Variants in MACROD2 observed in about 807,000 individuals in gnomAD.
MACROD2 encodes mono-ADP ribosylhydrolase 2, also known as ADP-ribose glycohydrolase MACROD2.
A neutral mutation model predicts 70.4 loss-of-function variants in MACROD2; 36 were observed. The ratio of observed to expected loss-of-function variants is 0.51; its 90% CI spans 0.39 to 0.68. MACROD2 has a LOEUF of 0.68. Ranked by LOEUF, MACROD2 falls within the 30% of genes least tolerant of loss-of-function variation. MACROD2 has a pLI of 0.00. For synonymous variants in MACROD2, 172 were observed against 178.8 expected (o/e 0.96, Z 0.30); for missense variants, 496 against 538.4 (o/e 0.92, Z 0.78).
At chr20:15,407,895 A>C (rs951562028) in intron 6 of MACROD2, among the ~76,000 whole-genome samples, 1 of 152,194 alleles carries the variant, frequency 6.6e-6, no homozygotes, top group Non-Finnish European at 1.5e-5. Flanking sequence ...GAGGCAACTG[A>C]GGATCAAAGA....
At chr20:15,709,252 G>A (rs1405289886) in intron 8 of MACROD2, among the ~76,000 whole-genome samples, 1 of 152,210 alleles carries the variant, frequency 6.6e-6, no homozygotes, top group Non-Finnish European at 1.5e-5. Context: ...AACGGGAGGA[G>A]CAGGCTGGCT....
chr20:14,221,571 TA>T (rs1296376706), intron 3 of MACROD2, among the ~76,000 whole-genome samples: 5 of 152,176 alleles, frequency 3.3e-5, no homozygotes, highest in Non-Finnish European at 7.4e-5. Flanking sequence ...GACATTGCTG[TA>T]GGCAAGGAAC....
intron 9 of MACROD2, among the ~76,000 whole-genome samples, chr20:15,869,223 A>ATG: frequency 4.6e-5 from 3 of 65,012 alleles, no homozygotes; most frequent in Non-Finnish European, 1.0e-4. Context: ...ATATATATAT[A>ATG]TATATATATA....
chr20:15,177,904 G>A (rs568940729), intron 5 of MACROD2, among the ~76,000 whole-genome samples: 1 of 150,742 alleles, frequency 6.6e-6, no homozygotes, highest in African/African-American at 2.4e-5. Flanking sequence ...GCTTACCCTA[G>A]ATGCACATTA....
intron 6 of MACROD2, among the ~76,000 whole-genome samples, chr20:15,338,560 G>C (rs997861007): frequency 2.6e-5 from 4 of 151,380 alleles, no homozygotes; most frequent in Non-Finnish European, 4.4e-5. Flanking sequence ...CATTTATCTG[G>C]GCCTTAATGT....
At chr20:14,833,946 C>A (rs532871852) in intron 5 of MACROD2, among the ~76,000 whole-genome samples, 1 of 152,014 alleles carries the variant, frequency 6.6e-6, no homozygotes, top group African/African-American at 2.4e-5. Flanking sequence ...GCTCTATTTT[C>A]TTAAAGTTAG....
At chr20:15,881,549 A>G (rs1389329938) in intron 9 of MACROD2, among the ~76,000 whole-genome samples, 1 of 152,128 alleles carries the variant, frequency 6.6e-6, no homozygotes, top group African/African-American at 2.4e-5. Flanking sequence ...GTCCAACCTT[A>G]GGTTCTAGAA....
chr20:15,255,313 G>T (rs1382776689), intron 6 of MACROD2, among the ~76,000 whole-genome samples: 1 of 152,028 alleles, frequency 6.6e-6, no homozygotes, highest in Non-Finnish European at 1.5e-5. Flanking sequence ...TGTTTGATTT[G>T]TAAAGTTTAG....
rs2047428252 is a variant in MACROD2 at position 15,506,545 on chromosome 20, GTTTGC to G, written c.645+6699_645+6703del. Among the ~76,000 whole-genome samples the G allele has an allele frequency of 2.0e-5, 3 of 152,200 alleles. No individual in the cohort carries two copies. The South Asian group carries it at 6.2e-4, about 32-fold the overall frequency. The stretch of plus-strand genomic sequence containing the variant: ...TTGAGCATATGCAGTGTTAAAAATT[GTTTGC>G]CACTTTTATTTCAGCATCACGTTAT... On this transcript the variant is annotated intron_variant, in intron 8 of 17. Coordinates refer to ENST00000684519, the MANE Select transcript of MACROD2 (RefSeq NM_001351661.2).
intron 10 of MACROD2, among the ~76,000 whole-genome samples, chr20:15,903,579 T>C (rs1025891922): frequency 6.6e-6 from 1 of 151,912 alleles, no homozygotes; most frequent in Non-Finnish European, 1.5e-5. Flanking sequence ...TTCAGTAGGT[T>C]TGGGGGTGGG....
At chr20:14,607,371 A>G (rs1316328460) in intron 4 of MACROD2, among the ~76,000 whole-genome samples, 1 of 152,176 alleles carries the variant, frequency 6.6e-6, no homozygotes, top group Admixed American at 6.5e-5. Flanking sequence ...AATTGGCCCT[A>G]AAGATGTTGA....
intron 4 of MACROD2, among the ~76,000 whole-genome samples, chr20:14,617,737 A>T (rs1031947175): frequency 6.6e-6 from 1 of 152,144 alleles, no homozygotes; most frequent in Non-Finnish European, 1.5e-5. Context: ...TTCCTTACTC[A>T]GTAAGAGTCA....
intron 5 of MACROD2, among the ~76,000 whole-genome samples, chr20:14,940,148 CAAA>C (rs57697517): frequency 5.4e-5 from 3 of 55,106 alleles, no homozygotes; most frequent in African/African-American, 1.4e-4. Flanking sequence ...CTCATCTCTG[CAAA>C]AAAAAAAAAA....
intron 5 of MACROD2, among the ~76,000 whole-genome samples, chr20:15,158,522 T>G (rs1005513675): frequency 6.6e-6 from 1 of 151,986 alleles, no homozygotes; most frequent in Non-Finnish European, 1.5e-5. Context: ...TCAAATAGGG[T>G]CTTTCAAGTA....
At chr20:15,083,710 T>C (rs2075722892) in intron 5 of MACROD2, among the ~76,000 whole-genome samples, 1 of 152,020 alleles carries the variant, frequency 6.6e-6, no homozygotes, top group Admixed American at 6.6e-5. Flanking sequence ...AATAAAGGCA[T>C]ATGTGCCTTT....
rs78497084 is a variant in MACROD2, at chr20:14,884,954, C to T, written c.418+199995C>T. On this transcript the variant is annotated intron_variant, in intron 5 of 17. Coordinates refer to ENST00000684519, the MANE Select transcript of MACROD2 (RefSeq NM_001351661.2). ...AGAAAATCTTTGAATCCACCTATGA[C>T]CTGAAAGCACTGATCCCCTACTGAC... Among the ~76,000 whole-genome samples, 335 of 152,236 alleles carry T rather than the reference C, an allele frequency of 2.2e-3. 2 individuals are homozygous for T. The highest frequency in any genetic ancestry group is 7.7e-3 in the African/African-American group (318 of 41,530).
intron 2 of MACROD2, among the ~76,000 whole-genome samples, chr20:14,025,022 C>G (rs1251178301): frequency 6.6e-6 from 1 of 152,056 alleles, no homozygotes; most frequent in East Asian, 1.9e-4. Flanking sequence ...GGTTAGTAGG[C>G]TATTAATTAC....
At chr20:14,888,638 A>G (rs1214548603) in intron 5 of MACROD2, 1 of 152,206 alleles carries the variant, frequency 6.6e-6, no homozygotes, top group Non-Finnish European at 1.5e-5. Flanking sequence ...AAGCATTTGG[A>G]CAATAACATA....
intron 4 of MACROD2, among the ~76,000 whole-genome samples, chr20:14,641,508 A>G (rs1324995694): frequency 6.6e-6 from 1 of 152,244 alleles, no homozygotes; most frequent in Non-Finnish European, 1.5e-5. Flanking sequence ...TGGAGTAATC[A>G]CTATCTATGT....
Sources: allele counts gnomAD v4.1 joint callset (sites outside exome capture counted in the v4.1 genomes callset), GRCh38; gene constraint gnomAD v4.1.1; transcripts MANE v1.5; gene names NCBI Gene and HGNC (gene_info 2026-07-23, HGNC 2026-07-21).